The following ERCC3 variants were observed in gnomAD, a reference collection of about 807,000 sequenced individuals.
The protein encoded by ERCC3 is general transcription and DNA repair factor IIH helicase/translocase subunit XPB.
Under a neutral mutation model 94.2 loss-of-function variants are expected in ERCC3, and 66 were observed. The ratio of observed to expected loss-of-function variants is 0.70; its 90% CI spans 0.57 to 0.86. The LOEUF (loss-of-function observed/expected upper bound fraction) is 0.86, where lower values mean the gene tolerates loss of function less well. ERCC3 is among the 40% of genes least tolerant of loss of function. ERCC3 has a pLI of 0.00. For missense variants in ERCC3, 829 were observed against 987.1 expected, an observed-to-expected ratio of 0.84 and a Z score of 2.15; for synonymous variants, 349 against 369.1, an observed-to-expected ratio of 0.95 and a Z score of 0.63.
At chr2:127,278,103 TG>T (rs1684789107) in intron 10 of ERCC3, among the ~76,000 whole-genome samples, 1 of 151,828 alleles carries the variant, frequency 6.6e-6, no homozygotes. Flanking sequence ...CTGGGTGTGG[TG>T]GTGCGTGCCT....
Position 127,279,359 on chromosome 2 carries a change from G to C in ERCC3, c.1544C>G (p.Ser515Cys). ...CACATATTCCCGGTAAAATTCAGGA[G>C]ACATAGGGCACCAGACCTGTAATAC... ...VQCAEVWCPM[S>C]PEFYREYVAI... Residue 515 changes from serine to cysteine, a missense_variant, in exon 10 of 15, where the codon TCT becomes TGT. By Grantham distance (112) the Ser-to-Cys change is moderately radical (BLOSUM62 -1). Transcript: ENST00000285398. This position sits in a 1 kb window ranked among gnomAD's most constrained non-coding sequence, Gnocchi z 4.7. 1.2e-6 allele frequency: 2 copies of C among 1,613,588 alleles called. No individual in the cohort carries two copies. Among genetic ancestry groups the C allele is most frequent in the Non-Finnish European group, 1.7e-6 (2 of 1,179,512 alleles).
intron 12 of ERCC3, among the ~76,000 whole-genome samples, chr2:127,265,484 T>C (rs1009842305): frequency 4.6e-5 from 7 of 152,172 alleles, no homozygotes; most frequent in Non-Finnish European, 8.8e-5. Context: ...AGAGGTGCGA[T>C]CTCGGCTCAC....
Position 127,280,426 on chromosome 2 carries a change from C to T in ERCC3, c.1527+21G>A. On this transcript the variant is annotated intron_variant, in intron 9 of 14. Transcript: ENST00000285398. This position sits in a 1 kb window ranked among gnomAD's most constrained non-coding sequence, Gnocchi z 6.3. ...TAGGAGGAGGCCCTTTCCCAGACGC[C>T]CCCAGCCCAGGCCCAGCTACCTCAG... The T allele has an allele frequency of 6.2e-7, 1 of 1,603,484 alleles. No homozygotes were observed. Among genetic ancestry groups the T allele is most frequent in the South Asian group, 1.1e-5 (1 of 89,448 alleles).
rs4150483 is a variant in ERCC3 at position 127,273,212 on chromosome 2, A to C, written c.1731-251T>G. ...CCATTTTTCGTTTTCTTTTTGGACT[A>C]TGCTTTTTCCTGCTTCAACATCTCT... On this transcript the variant is annotated intron_variant, in intron 10 of 14. Transcript: ENST00000285398. 0.014 allele frequency among the ~76,000 whole-genome samples: 2,100 copies of C among 152,250 alleles called. 47 individuals carry two copies. Among genetic ancestry groups the C allele is most frequent in the African/African-American group, 0.047 (1,953 of 41,548 alleles).
Position 127,284,794 on chromosome 2 carries a change from C to T in ERCC3, c.1342+1909G>A, listed in dbSNP as rs1685016162. The stretch of plus-strand genomic sequence containing the variant: ...AACCTCCCAGGTTCAAGTGATCCTC[C>T]CACCTCAGCCTCCTCAGCAGCTGAG... On this transcript the variant is annotated intron_variant, in intron 8 of 14. Transcript: ENST00000285398. This position sits in a 1 kb window ranked among gnomAD's most constrained non-coding sequence, Gnocchi z 4.1. 6.6e-6 allele frequency among the ~76,000 whole-genome samples: 1 copy of T among 152,032 alleles called. No individual in the cohort carries two copies. The highest frequency in any genetic ancestry group is 1.5e-5 in the Non-Finnish European group (1 of 68,018).
chr2:127,280,718 G>T lies in ERCC3; in HGVS notation c.1343-87C>A. On this transcript the variant is annotated intron_variant, in intron 8 of 14. Transcript: ENST00000285398. The surrounding 1 kb of genome is among the most constrained non-coding windows in gnomAD (Gnocchi z 6.3). Reference sequence around the variant, plus strand: ...TTTAAAATATTTTTTGTAGAGATGGGGTCTCATTATATTGCCCAGGCTGGT... The same window carrying T: ...TTTAAAATATTTTTTGTAGAGATGGTGTCTCATTATATTGCCCAGGCTGGT... 1.6e-6 allele frequency: 2 copies of T among 1,248,896 alleles called. No individual in the cohort carries two copies. Among genetic ancestry groups the T allele is most frequent in the Non-Finnish European group, 2.3e-6 (2 of 880,774 alleles). 77.4% of individuals were successfully genotyped at this position (1,248,896 alleles called of 1,614,324 possible). A position where few individuals can be genotyped will look rare whatever the true frequency, so the allele number is the denominator to read the frequency against.
At chr2:127,292,271 C>T (rs1179732645) in intron 3 of ERCC3, 3 of 423,752 alleles carry the variant, frequency 7.1e-6, no homozygotes, top group South Asian at 6.3e-5. Flanking sequence ...AGCACACTCA[C>T]TTTGGGCTGC....
chr2:127,287,143 TGAG>T, intron 7 of ERCC3, 126 bp from the exon 8 acceptor site: 1 of 710,530 alleles, frequency 1.4e-6, no homozygotes, highest in African/African-American at 1.7e-5. Context: ...AGCTGACATC[TGAG>T]CGACACACAC....
Position 127,279,428 on chromosome 2 carries a change from T to C in ERCC3, c.1528-53A>G, listed in dbSNP as rs1684839183. 2.2e-6 allele frequency: 3 copies of C among 1,391,564 alleles called. No individual in the cohort carries two copies. Among genetic ancestry groups the C allele is most frequent in the South Asian group, 2.3e-5 (2 of 86,658 alleles). The allele number at this position is 1,391,564 out of a possible 1,614,324, so 86.2% of individuals were successfully genotyped here. A position where few individuals can be genotyped will look rare whatever the true frequency, so the allele number is the denominator to read the frequency against. ...TTTTACAAGTTTAAACACCACACAA[T>C]TTAAAACTTTTGAAGACCTTTCTCT... On this transcript the variant is annotated intron_variant, in intron 9 of 14. Transcript: ENST00000285398. The surrounding 1 kb of genome is among the most constrained non-coding windows in gnomAD (Gnocchi z 4.7).
intron 8 of ERCC3, among the ~76,000 whole-genome samples, chr2:127,281,199 CT>C (rs374831836): frequency 6.6e-6 from 1 of 152,326 alleles, no homozygotes; most frequent in African/African-American, 2.4e-5. Flanking sequence ...AGTTGACAAT[CT>C]AGGGAGAGGA....
intron 12 of ERCC3, among the ~76,000 whole-genome samples, chr2:127,265,465 C>G (rs186827355): frequency 2.0e-5 from 3 of 152,236 alleles, no homozygotes; most frequent in African/African-American, 7.2e-5. Context: ...GTCACCCAGG[C>G]TGGAGTGCAG....
intron 11 of ERCC3, 129 bp downstream of exon 11, chr2:127,272,736 T>C (rs960516446): frequency 1.4e-6 from 1 of 702,938 alleles, no homozygotes; most frequent in Middle Eastern, 3.7e-4. Context: ...TCCCTGGACA[T>C]GTCGGAAATG....
chr2:127,282,845 T>C (rs1684958692), intron 8 of ERCC3, among the ~76,000 whole-genome samples: 2 of 152,200 alleles, frequency 1.3e-5, no homozygotes, highest in South Asian at 4.1e-4. Context: ...TGCACCTTTT[T>C]GTACTTGTTC....
chr2:127,281,385 C>T (rs1451748274), intron 8 of ERCC3, among the ~76,000 whole-genome samples: 1 of 152,234 alleles, frequency 6.6e-6, no homozygotes, highest in East Asian at 1.9e-4. Flanking sequence ...GGTCAACCAG[C>T]AACCTCTTTT....
chr2:127,268,962 TAC>T (rs1558950911), intron 12 of ERCC3, among the ~76,000 whole-genome samples: 1 of 151,964 alleles, frequency 6.6e-6, no homozygotes, highest in Non-Finnish European at 1.5e-5. Flanking sequence ...AGCACTGAGA[TAC>T]AGTGACAGTC....
In ERCC3 at chr2:127,263,768, C is replaced by T. The variant is rs559280719; in HGVS notation, c.1946-2422G>A. Among the ~76,000 whole-genome samples the T allele has an allele frequency of 6.0e-5, 9 of 149,334 alleles. No individual in the cohort carries two copies. In the South Asian group the frequency reaches 1.9e-3, roughly 32 times the overall value. ...TGTCGCCCAGGCTGGAGTGCAGTGG[C>T]GTGATCTCGGCTCACTGCAAGCTCC... On this transcript the variant is annotated intron_variant, in intron 12 of 14. Coordinates refer to ENST00000285398, the MANE Select transcript of ERCC3 (RefSeq NM_000122.2).
At chr2:127,286,014 G>A (rs1259921078) in intron 8 of ERCC3, among the ~76,000 whole-genome samples, 1 of 151,944 alleles carries the variant, frequency 6.6e-6, no homozygotes, top group Non-Finnish European at 1.5e-5. Context: ...GATACTTGGA[G>A]AAGTAGGGCT....
In ERCC3 at chr2:127,284,460, C is replaced by T. The variant is rs1260395457; in HGVS notation, c.1342+2243G>A. Among the ~76,000 whole-genome samples, 6 of 152,222 alleles carry T rather than the reference C, an allele frequency of 3.9e-5. No homozygotes were observed. The highest frequency in any genetic ancestry group is 1.9e-4 in the East Asian group (1 of 5,190). On this transcript the variant is annotated intron_variant, in intron 8 of 14. Coordinates refer to ENST00000285398, the MANE Select transcript of ERCC3 (RefSeq NM_000122.2). This position sits in a 1 kb window ranked among gnomAD's most constrained non-coding sequence, Gnocchi z 4.1. ...GTACTTTCCCACAGCAGGGCCCACA[C>T]CCTGGGCTTCCATCAGAAAGACCTC...
intron 2 of ERCC3, 50 bp from the exon 3 acceptor site, chr2:127,292,896 G>A (rs745612602): frequency 1.7e-6 from 2 of 1,180,448 alleles, no homozygotes; most frequent in Non-Finnish European, 2.5e-6. Context: ...GAGTTGCAGA[G>A]ACTACTGGGC....
Sources: allele counts gnomAD v4.1 joint callset (sites outside exome capture counted in the v4.1 genomes callset), GRCh38; gene constraint gnomAD v4.1.1; non-coding constraint Gnocchi (gnomAD v3.1); transcripts MANE v1.5; gene names NCBI Gene and HGNC (gene_info 2026-07-23, HGNC 2026-07-21).